The following CAPRIN2 variants were observed in gnomAD, a reference collection of about 807,000 sequenced individuals.
The protein encoded by CAPRIN2 is caprin family member 2, also known as caprin-2.
In CAPRIN2, 66 loss-of-function variants were observed where a neutral mutation model predicts 130.4. The ratio of observed to expected loss-of-function variants is 0.51; its 90% CI spans 0.42 to 0.62. The LOEUF is 0.62. CAPRIN2 is among the 20% of genes least tolerant of loss of function. The pLI, the probability that CAPRIN2 is intolerant of heterozygous loss-of-function variation, is 0.00. For synonymous variants in CAPRIN2, 471 were observed against 444.1 expected (o/e 1.06, Z -0.76); for missense variants, 1,185 against 1,246.6 (o/e 0.95, Z 0.74).
intron 2 of CAPRIN2, among the ~76,000 whole-genome samples, chr12:30,747,617 C>T (rs540468923): frequency 2.6e-5 from 4 of 150,958 alleles, no homozygotes; most frequent in African/African-American, 7.3e-5. Flanking sequence ...GTGGAGGTTG[C>T]GGTGAGCCGA....
intron 12 of CAPRIN2, among the ~76,000 whole-genome samples, chr12:30,717,544 T>C (rs559174628): frequency 6.6e-6 from 1 of 152,102 alleles, no homozygotes; most frequent in Non-Finnish European, 1.5e-5. Flanking sequence ...CTGAATTGTA[T>C]ACTTTAAAAA....
At chr12:30,739,746 G>A (rs1422417630) in intron 3 of CAPRIN2, among the ~76,000 whole-genome samples, 1 of 151,006 alleles carries the variant, frequency 6.6e-6, no homozygotes, top group Non-Finnish European at 1.5e-5. Context: ...AGTTACTTTT[G>A]CTCTGAGTCT....
chr12:30,752,242 C>T (rs1340141448), intron 1 of CAPRIN2, among the ~76,000 whole-genome samples: 1 of 152,090 alleles, frequency 6.6e-6, no homozygotes, highest in Non-Finnish European at 1.5e-5. Flanking sequence ...ACTCTAAAAG[C>T]ATTCTTTAGG....
At chr12:30,753,894 A>G in exon 1 of CAPRIN2, 1 of 820,250 alleles carries the variant, frequency 1.2e-6, no homozygotes, top group Non-Finnish European at 1.9e-6. Context: ...ACGGCTTCAG[A>G]GCTCCTTTCT....
intron 8 of CAPRIN2, among the ~76,000 whole-genome samples, chr12:30,727,131 A>G (rs1349608470): frequency 1.3e-5 from 2 of 152,166 alleles, no homozygotes; most frequent in South Asian, 4.1e-4. Context: ...GCATTGCTAC[A>G]CCTACTGGAA....
At chr12:30,751,607 A>T (rs1335935858) in intron 1 of CAPRIN2, 1 of 182,216 alleles carries the variant, frequency 5.5e-6, no homozygotes, top group Non-Finnish European at 1.2e-5. Context: ...CTTAAAATGC[A>T]CAGGACAGCC....
At chr12:30,742,308 AT>A (rs2067861532) in intron 2 of CAPRIN2, among the ~76,000 whole-genome samples, 2 of 152,204 alleles carry the variant, frequency 1.3e-5, no homozygotes, top group South Asian at 4.1e-4. Flanking sequence ...AGGAACTCCT[AT>A]GTAATAATAA....
At position 30,726,085 on chromosome 12, in the gene CAPRIN2, G is replaced by A. The variant is rs370410608; in HGVS notation, c.1786C>T (p.Pro596Ser). The A allele has an allele frequency of 2.0e-6, 3 of 1,534,732 alleles. No homozygotes were observed. Among genetic ancestry groups the A allele is most frequent in the Admixed American group, 2.0e-5 (1 of 50,032 alleles). Reference sequence around the variant, plus strand: ...CCTACAGGCTGATGCACAGGCTTAGGCACCTACAAGATAAACCCATAATGT... The same window carrying A: ...CCTACAGGCTGATGCACAGGCTTAGACACCTACAAGATAAACCCATAATGT... Residue 596 changes from proline to serine, a missense_variant, in exon 9 of 17, where the codon CCT becomes TCT. Around this residue, in one of 2 missense-constraint regions of CAPRIN2, gnomAD observed 1,104 missense variants for 1,104.3 expected, o/e 1.00. Coordinates refer to ENST00000298892, the Ensembl canonical transcript of CAPRIN2.
intron 8 of CAPRIN2, among the ~76,000 whole-genome samples, chr12:30,727,216 T>G (rs141439402): frequency 6.6e-6 from 1 of 152,286 alleles, no homozygotes; most frequent in Admixed American, 6.5e-5. Flanking sequence ...ATAGTTACAT[T>G]ACAGTTACTG....
intron 2 of CAPRIN2, among the ~76,000 whole-genome samples, chr12:30,748,458 A>C (rs1053451891): frequency 1.3e-5 from 2 of 152,264 alleles, no homozygotes; most frequent in Admixed American, 6.5e-5. Context: ...TTTTTAATCA[A>C]GGTGTGTACC....
At chr12:30,718,699 G>A (rs191294836) in intron 12 of CAPRIN2, among the ~76,000 whole-genome samples, 63 of 152,274 alleles carry the variant, frequency 4.1e-4, no homozygotes, top group African/African-American at 1.4e-3. Flanking sequence ...GTATGTGTCC[G>A]GTATTTCAGG....
At position 30,712,408 on chromosome 12, in the gene CAPRIN2, T is replaced by C. The variant is rs573240510; in HGVS notation, c.2602-779A>G. On this transcript the variant is annotated intron_variant, in intron 15 of 16. Coordinates refer to ENST00000298892, the Ensembl canonical transcript of CAPRIN2. ...AGCACACAAAATACTGTAATAGTGG[T>C]ATTAAGAAGAGACAGTTCTTTTACC... Among the ~76,000 whole-genome samples the C allele has an allele frequency of 2.2e-4, 33 of 152,322 alleles. 1 individual carries two copies. The South Asian group carries it at 5.4e-3, about 25-fold the overall frequency.
At chr12:30,709,893 T>C in exon 17 of CAPRIN2, 1 of 1,599,916 alleles carries the variant, frequency 6.3e-7, no homozygotes. Flanking sequence ...GTCAATACTG[T>C]ACTGACTTTC....
chr12:30,731,160 GTA>G (rs2062547286), intron 6 of CAPRIN2, among the ~76,000 whole-genome samples, 181 bp downstream of exon 7: 1 of 152,074 alleles, frequency 6.6e-6, no homozygotes, highest in Non-Finnish European at 1.5e-5. Context: ...GTTTCACTCG[GTA>G]AATCATGGTG....
intron 12 of CAPRIN2, among the ~76,000 whole-genome samples, chr12:30,718,214 A>C (rs113215470): frequency 6.6e-6 from 1 of 152,242 alleles, no homozygotes; most frequent in Non-Finnish European, 1.5e-5. Flanking sequence ...AGACAAAAGA[A>C]AAGGTAAAAC....
At position 30,728,968 on chromosome 12, in the gene CAPRIN2, G is replaced by A; in HGVS notation, c.1462C>T (p.Gln488Ter). 6.2e-7 allele frequency: 1 copy of A among 1,614,122 alleles called. No individual in the cohort carries two copies. Among genetic ancestry groups the A allele is most frequent in the Non-Finnish European group, 8.5e-7 (1 of 1,180,024 alleles). ...AGCTTTGGTGTCTCCTGTTTCTTTT[G>A]TTCCTCTTGAACATACCCTGCTTTG... Residue 488 changes from glutamine (Q) to a stop codon, truncating the protein, a stop_gained, in exon 8 of 17, where the codon CAA (glutamine) becomes TAA (stop). Transcript: ENST00000298892. LOFTEE classifies it high-confidence loss of function.
intron 2 of CAPRIN2, among the ~76,000 whole-genome samples, chr12:30,748,465 T>A (rs547021476): frequency 6.6e-6 from 1 of 152,348 alleles, no homozygotes; most frequent in East Asian, 1.9e-4. Flanking sequence ...TCAAGGTGTG[T>A]ACCTTCTTTT....
At chr12:30,718,531 C>T (rs1238407143) in intron 12 of CAPRIN2, among the ~76,000 whole-genome samples, 1 of 152,136 alleles carries the variant, frequency 6.6e-6, no homozygotes, top group Non-Finnish European at 1.5e-5. Context: ...ATAAACATAC[C>T]AAACTAGCTG....
At chr12:30,716,528 G>T (rs983860024) in exon 13 of CAPRIN2, 13 of 1,613,912 alleles carry the variant, frequency 8.1e-6, no homozygotes, top group Non-Finnish European at 1.1e-5. Flanking sequence ...AGAATGGACA[G>T]TTTGTTCTAC....
Sources: gnomAD v4.1 joint callset for allele counts (sites outside exome capture counted in the v4.1 genomes callset) on GRCh38, gnomAD v4.1.1 for gene constraint, gnomAD v4.1.1 regional missense constraint, MANE v1.5 for transcripts, NCBI Gene and HGNC (gene_info 2026-07-23, HGNC 2026-07-21) for gene names.